The following WASF2 variants were observed in gnomAD, a reference collection of about 807,000 sequenced individuals.
The protein encoded by WASF2 is WASP family member 2.
In WASF2, 14 loss-of-function variants were observed where a neutral mutation model predicts 45.0. The observed-to-expected ratio is 0.31, with a 90% CI of 0.21 to 0.49. The LOEUF is 0.49. Among genes scored for constraint, WASF2 ranks in the 20% least tolerant of loss-of-function variants. The pLI, the probability that WASF2 is intolerant of heterozygous loss-of-function variation, is 0.99. For synonymous variants in WASF2, 200 were observed against 236.3 expected (o/e 0.85, Z 1.41); for missense variants, 439 against 636.1 (o/e 0.69, Z 3.33).
intron 1 of WASF2, among the ~76,000 whole-genome samples, chr1:27,486,009 C>T (rs968024906): frequency 3.9e-5 from 6 of 152,152 alleles, no homozygotes; most frequent in African/African-American, 1.2e-4. Context: ...CGCACCTGGC[C>T]TATCACGTAA....
intron 1 of WASF2, among the ~76,000 whole-genome samples, chr1:27,475,550 C>T (rs1205225909): frequency 2.0e-5 from 3 of 152,144 alleles, no homozygotes; most frequent in African/African-American, 4.8e-5. Context: ...TATCTAAGTT[C>T]CTCTATTACT....
intron 1 of WASF2, among the ~76,000 whole-genome samples, chr1:27,431,287 AC>A (rs1334653583): frequency 8.6e-5 from 13 of 152,046 alleles, no homozygotes; most frequent in Non-Finnish European, 1.9e-4. Flanking sequence ...TCTAGTCCAA[AC>A]CCTGGACTTT....
intron 1 of WASF2, among the ~76,000 whole-genome samples, chr1:27,452,949 T>TA (rs1433721394): frequency 6.6e-6 from 1 of 151,804 alleles, no homozygotes; most frequent in East Asian, 1.9e-4. Flanking sequence ...CTCACGCCTG[T>TA]AATCCCAGCA....
chr1:27,487,590 T>TTATATA (rs2017955095), intron 1 of WASF2, among the ~76,000 whole-genome samples: 1 of 96,602 alleles, frequency 1.0e-5, no homozygotes, highest in Non-Finnish European at 1.8e-5. Context: ...TTATATATAT[T>TTATATA]TTATATAATA....
chr1:27,465,611 G>C (rs1479332886), intron 1 of WASF2, among the ~76,000 whole-genome samples: 8 of 152,114 alleles, frequency 5.3e-5, no homozygotes, highest in Non-Finnish European at 1.0e-4. Context: ...CTAAAATGTA[G>C]TTAAACCACC....
intron 1 of WASF2, among the ~76,000 whole-genome samples, chr1:27,457,830 C>T (rs930609070): frequency 5.9e-5 from 9 of 151,936 alleles, no homozygotes; most frequent in African/African-American, 1.9e-4. Flanking sequence ...CTATTTTGCC[C>T]AGGCTGGTCT....
Position 27,457,022 on chromosome 1 carries a change from C to T in WASF2, c.-43-28089G>A, listed in dbSNP as rs115260130. On this transcript the variant is annotated intron_variant, in intron 1 of 8. Coordinates refer to ENST00000618852, the MANE Select transcript of WASF2 (RefSeq NM_006990.5). Reference sequence around the variant, plus strand: ...CCCCCAAAGTGCTGGGATTTACAGGCGTGAGCCACCGGGTCCTGCCTGTAT... The same window carrying T: ...CCCCCAAAGTGCTGGGATTTACAGGTGTGAGCCACCGGGTCCTGCCTGTAT... Among the ~76,000 whole-genome samples the T allele has an allele frequency of 3.2e-3, 488 of 151,978 alleles. 1 individual carries two copies. The highest frequency in any genetic ancestry group is 0.011 in the African/African-American group (473 of 41,470).
At chr1:27,479,630 C>T (rs1470803352) in intron 1 of WASF2, among the ~76,000 whole-genome samples, 1 of 152,106 alleles carries the variant, frequency 6.6e-6, no homozygotes, top group African/African-American at 2.4e-5. Flanking sequence ...TTTGGGAGGC[C>T]AAGGCGGGTG....
intron 1 of WASF2, among the ~76,000 whole-genome samples, chr1:27,481,703 G>A (rs531215512): frequency 2.0e-5 from 3 of 151,446 alleles, no homozygotes; most frequent in South Asian, 2.1e-4. Flanking sequence ...CAGCCTGGGC[G>A]ACAGAGCAAG....
intron 1 of WASF2, among the ~76,000 whole-genome samples, chr1:27,460,397 A>G (rs544566730): frequency 1.0e-3 from 152 of 152,190 alleles, no homozygotes; most frequent in Non-Finnish European, 1.8e-3. Flanking sequence ...TCTGTTGGCG[A>G]AAGAAAAAAT....
chr1:27,432,669 A>AAAAAAC (rs1437984330), intron 1 of WASF2, among the ~76,000 whole-genome samples: 1 of 151,150 alleles, frequency 6.6e-6, no homozygotes. Context: ...AAAAAAAAAA[A>AAAAAAC]AAGAGGCAGT....
intron 1 of WASF2, among the ~76,000 whole-genome samples, chr1:27,488,383 T>C (rs974803997): frequency 2.0e-5 from 3 of 152,208 alleles, no homozygotes; most frequent in South Asian, 2.1e-4. Flanking sequence ...AGGTGGGCTA[T>C]TGAACCTTTC....
At chr1:27,423,859 G>A (rs563203615) in intron 2 of WASF2, among the ~76,000 whole-genome samples, 3 of 152,248 alleles carry the variant, frequency 2.0e-5, no homozygotes, top group Non-Finnish European at 4.4e-5. Context: ...TGGGAGTCTT[G>A]GAGCTCCCCA....
At position 27,464,047 on chromosome 1, in the gene WASF2, T is replaced by A. The variant is rs919148967; in HGVS notation, c.-44+25939A>T. On this transcript the variant is annotated intron_variant, in intron 1 of 8. Transcript: ENST00000618852. ...CAGCCTCCCAGCCTCATCTATATTA[T>A]TCTAATAATAATTTTGGTCATACAA... Among the ~76,000 whole-genome samples the A allele has an allele frequency of 2.6e-5, 4 of 151,896 alleles. No homozygotes were observed. In the South Asian group the frequency reaches 6.2e-4, roughly 24 times the overall value.
chr1:27,456,518 T>C (rs1469870853), intron 1 of WASF2, among the ~76,000 whole-genome samples: 1 of 152,102 alleles, frequency 6.6e-6, no homozygotes, highest in Non-Finnish European at 1.5e-5. Context: ...TAGTTCACCA[T>C]TTTAATGTAG....
At chr1:27,457,480 G>C (rs1202414745) in intron 1 of WASF2, 1 of 152,088 alleles carries the variant, frequency 6.6e-6, no homozygotes, top group Non-Finnish European at 1.5e-5. Flanking sequence ...AGCAGACTAA[G>C]GTGGGAGGAT....
At chr1:27,470,746 A>C (rs1053058537) in intron 1 of WASF2, among the ~76,000 whole-genome samples, 2 of 152,170 alleles carry the variant, frequency 1.3e-5, no homozygotes, top group Admixed American at 6.5e-5. Flanking sequence ...TGAAGAACAA[A>C]ATGCTGCCCA....
chr1:27,453,209 A>T (rs2017409511), intron 1 of WASF2, among the ~76,000 whole-genome samples: 1 of 152,030 alleles, frequency 6.6e-6, no homozygotes. Context: ...CATCTCAAAA[A>T]ATTAAAATAA....
intron 1 of WASF2, among the ~76,000 whole-genome samples, chr1:27,464,451 A>T (rs2148133407): frequency 6.6e-6 from 1 of 152,274 alleles, no homozygotes; most frequent in Middle Eastern, 3.4e-3. Flanking sequence ...AGCTGATATG[A>T]ATCTTACAAT....
Sources: gnomAD v4.1 joint callset for allele counts (sites outside exome capture counted in the v4.1 genomes callset) on GRCh38, gnomAD v4.1.1 for gene constraint, MANE v1.5 for transcripts, NCBI Gene and HGNC (gene_info 2026-07-23, HGNC 2026-07-21) for gene names.